RAPGEF6: variants seen among roughly 807,000 people sequenced by gnomAD.
RAPGEF6 encodes PDZ domain containing guanine nucleotide exchange factor (GEF) 2.
A neutral mutation model predicts 171.4 loss-of-function variants in RAPGEF6; 56 were observed. The observed-to-expected ratio is 0.33, with a 90% CI of 0.26 to 0.41. The LOEUF (loss-of-function observed/expected upper bound fraction) is 0.41, where lower values mean the gene tolerates loss of function less well. Among genes scored for constraint, RAPGEF6 ranks in the 10% least tolerant of loss-of-function variants. RAPGEF6 has a pLI of 1.00. For missense variants in RAPGEF6, 1,674 were observed against 1,921.4 expected (o/e 0.87, Z 2.41); for synonymous variants, 692 against 650.1 (o/e 1.06, Z -0.98).
rs768439777 is a variant in RAPGEF6, at chr5:131,453,167, G to A, written c.3087C>T (p.Ser1029=). Residue 1029 remains serine, a synonymous_variant, in exon 21 of 28, where the codon TCC becomes TCT. Coordinates refer to ENST00000509018, the MANE Select transcript of RAPGEF6 (RefSeq NM_016340.6). The part of the protein sequence containing the change: ...DMTFLHEGND[S]KVDGLVNFEK... Reference sequence around the variant, plus strand: ...CAAAGTTTACTAAACCATCTACTTTGGAGTCATTTCCTATAGAATGAAAAT... The same window carrying A: ...CAAAGTTTACTAAACCATCTACTTTAGAGTCATTTCCTATAGAATGAAAAT... 1.9e-6 allele frequency: 3 copies of A among 1,606,952 alleles called. No homozygotes were observed. The highest frequency in any genetic ancestry group is 2.6e-6 in the Non-Finnish European group (3 of 1,176,036).
At chr5:131,622,140 A>C (rs1452641898) in intron 1 of RAPGEF6, among the ~76,000 whole-genome samples, 2 of 152,212 alleles carry the variant, frequency 1.3e-5, no homozygotes, top group Non-Finnish European at 2.9e-5. Context: ...CCTATAAATA[A>C]TCCAAACTCC....
At chr5:131,563,901 TG>T (rs1225291991) in intron 4 of RAPGEF6, among the ~76,000 whole-genome samples, 1 of 152,198 alleles carries the variant, frequency 6.6e-6, no homozygotes, top group Non-Finnish European at 1.5e-5. Flanking sequence ...TGTAAAAGTT[TG>T]CTTTCATGCA....
At chr5:131,546,917 T>C (rs1760583339) in intron 6 of RAPGEF6, among the ~76,000 whole-genome samples, 1 of 152,190 alleles carries the variant, frequency 6.6e-6, no homozygotes, top group Non-Finnish European at 1.5e-5. Context: ...GAACAATCTG[T>C]TTCTAATTTT....
chr5:131,634,934 G>A, intron 1 of RAPGEF6, 28 bp downstream of exon 1: 2 of 1,613,538 alleles, frequency 1.2e-6, no homozygotes, highest in African/African-American at 1.3e-5. Flanking sequence ...TGGACTGTGA[G>A]ACGCACATAA....
chr5:131,615,398 G>A (rs1765201837), intron 1 of RAPGEF6, among the ~76,000 whole-genome samples: 1 of 152,088 alleles, frequency 6.6e-6, no homozygotes, highest in African/African-American at 2.4e-5. Context: ...GTTTCTTGGG[G>A]CTTTTGTGTC....
intron 24 of RAPGEF6, among the ~76,000 whole-genome samples, chr5:131,438,362 C>T (rs569182153): frequency 6.6e-6 from 1 of 152,316 alleles, no homozygotes; most frequent in Non-Finnish European, 1.5e-5. Context: ...TCTGACATCA[C>T]TGTACATAAT....
At chr5:131,605,649 A>G (rs1211373836) in intron 1 of RAPGEF6, among the ~76,000 whole-genome samples, 1 of 152,196 alleles carries the variant, frequency 6.6e-6, no homozygotes, top group East Asian at 1.9e-4. Flanking sequence ...CAAGAAAATT[A>G]TCAGATAGTA....
chr5:131,497,935 T>C (rs1469974940), intron 12 of RAPGEF6, among the ~76,000 whole-genome samples: 1 of 152,186 alleles, frequency 6.6e-6, no homozygotes, highest in Non-Finnish European at 1.5e-5. Context: ...AAAAAAATAC[T>C]CAAAAGGTAG....
Position 131,442,250 on chromosome 5 carries a change from C to T in RAPGEF6, c.3610+99G>A, listed in dbSNP as rs928901451. ...TAAAGTGACGATTATATTACACAAC[C>T]TACAACAGCTTATCTCCTGAACATC... is the stretch of plus-strand genomic sequence containing the variant. On this transcript the variant is annotated intron_variant, in intron 23 of 27. Transcript: ENST00000509018. 1.4e-5 allele frequency: 17 copies of T among 1,213,088 alleles called. No individual in the cohort carries two copies. The East Asian group carries it at 3.9e-4, about 28-fold the overall frequency. 75.1% of individuals were successfully genotyped at this position (1,213,088 alleles called of 1,614,324 possible). A position where few individuals can be genotyped will look rare whatever the true frequency, so the allele number is the denominator to read the frequency against.
intron 4 of RAPGEF6, among the ~76,000 whole-genome samples, chr5:131,568,693 C>T (rs565129605): frequency 1.2e-4 from 19 of 152,264 alleles, no homozygotes; most frequent in African/African-American, 4.6e-4. Flanking sequence ...AGGTGGTCCA[C>T]TCTCACCACT....
chr5:131,504,189 C>A (rs1453424419), intron 11 of RAPGEF6, among the ~76,000 whole-genome samples: 1 of 152,154 alleles, frequency 6.6e-6, no homozygotes, highest in Non-Finnish European at 1.5e-5. Context: ...AGAGATCAGG[C>A]ATGGTGGCTC....
At chr5:131,616,169 C>T (rs1580683194) in intron 1 of RAPGEF6, among the ~76,000 whole-genome samples, 1 of 152,124 alleles carries the variant, frequency 6.6e-6, no homozygotes, top group African/African-American at 2.4e-5. Context: ...AGATAAGCTA[C>T]ACCCTCTCAG....
chr5:131,519,316 C>A (rs191290915), intron 7 of RAPGEF6, among the ~76,000 whole-genome samples: 99 of 152,310 alleles, frequency 6.5e-4, no homozygotes, highest in Middle Eastern at 3.4e-3. Flanking sequence ...ATTGGTCTTT[C>A]CAAGTGACCT....
intron 15 of RAPGEF6, among the ~76,000 whole-genome samples, chr5:131,487,049 G>A (rs1190572745): frequency 6.6e-6 from 1 of 152,154 alleles, no homozygotes; most frequent in Non-Finnish European, 1.5e-5. Flanking sequence ...GTTCCTTCCG[G>A]TGGGTTCCTG....
chr5:131,596,127 C>A (rs1763885795), intron 3 of RAPGEF6, among the ~76,000 whole-genome samples: 1 of 148,574 alleles, frequency 6.7e-6, no homozygotes, highest in African/African-American at 2.5e-5. Flanking sequence ...GTGCTCCACC[C>A]TGGGGAGCAG....
intron 4 of RAPGEF6, among the ~76,000 whole-genome samples, chr5:131,566,536 AT>A (rs937697941): frequency 6.6e-5 from 10 of 151,936 alleles, no homozygotes; most frequent in Admixed American, 5.2e-4. Context: ...ATAATCTGGA[AT>A]TTTTTTTCTT....
chr5:131,456,149 A>T (rs1346204996), intron 19 of RAPGEF6, 137 bp from the exon 20 acceptor site: 2 of 602,894 alleles, frequency 3.3e-6, no homozygotes, highest in African/African-American at 3.7e-5. Context: ...TAAACAAGAG[A>T]AAAACTGAGA....
At chr5:131,454,857 TAC>T (rs1322594455) in intron 20 of RAPGEF6, among the ~76,000 whole-genome samples, 2 of 152,192 alleles carry the variant, frequency 1.3e-5, no homozygotes, top group Admixed American at 6.5e-5. Context: ...AAAGGCAGAT[TAC>T]AGTTAAAGCA....
chr5:131,549,253 A>T (rs1760753658), intron 5 of RAPGEF6, among the ~76,000 whole-genome samples: 1 of 152,088 alleles, frequency 6.6e-6, no homozygotes. Flanking sequence ...AACTAAGCTC[A>T]CATCTAATAA....
Sources: gnomAD v4.1 joint callset for allele counts (sites outside exome capture counted in the v4.1 genomes callset) on GRCh38, gnomAD v4.1.1 for gene constraint, MANE v1.5 for transcripts, NCBI Gene and HGNC (gene_info 2026-07-23, HGNC 2026-07-21) for gene names.